The following IL1RAPL2 variants were observed in gnomAD, a reference collection of about 807,000 sequenced individuals.
IL1RAPL2 encodes X-linked interleukin-1 receptor accessory protein-like 2.
A neutral mutation model predicts 44.1 loss-of-function variants in IL1RAPL2; 3 were observed. The ratio of observed to expected loss-of-function variants is 0.07; its 90% CI spans 0.03 to 0.18. The LOEUF (loss-of-function observed/expected upper bound fraction) is 0.18, where lower values mean the gene tolerates loss of function less well. Among genes scored for constraint, IL1RAPL2 ranks in the 10% least tolerant of loss-of-function variants. The pLI, the probability that IL1RAPL2 is intolerant of heterozygous loss-of-function variation, is 1.00. For synonymous variants in IL1RAPL2, 181 were observed against 178.8 expected, an observed-to-expected ratio of 1.01 and a Z score of -0.10; for missense variants, 391 against 496.4, an observed-to-expected ratio of 0.79 and a Z score of 2.02.
intron 10 of IL1RAPL2, among the ~76,000 whole-genome samples, chrX:105,766,373 C>T (rs1315573472): frequency 7.2e-5 from 8 of 111,306 alleles, no homozygotes; most frequent in Admixed American, 2.9e-4. Context: ...CAGAAATAAT[C>T]GGAGAAACAA....
intron 1 of IL1RAPL2, among the ~76,000 whole-genome samples, chrX:104,620,639 C>CAAA (rs771769782): frequency 0.13 from 1,825 of 14,555 alleles, 559 homozygotes; most frequent in East Asian, 0.16. Flanking sequence ...GAGTCTGTCT[C>CAAA]AAAAAAAAAA....
chrX:105,686,160 A>C (rs886892889), intron 6 of IL1RAPL2, among the ~76,000 whole-genome samples: 7 of 110,451 alleles, frequency 6.3e-5, no homozygotes, highest in Non-Finnish European at 1.3e-4. Flanking sequence ...GGGCAAAATA[A>C]CCAGCAAACA....
At chrX:105,305,818 C>T (rs2034732408) in intron 5 of IL1RAPL2, among the ~76,000 whole-genome samples, 1 of 111,521 alleles carries the variant, frequency 9.0e-6, no homozygotes, top group Non-Finnish European at 1.9e-5. Flanking sequence ...AATGGTGGAC[C>T]TGTAAGGGAC....
At chrX:104,712,414 C>A (rs368933736) in intron 2 of IL1RAPL2, among the ~76,000 whole-genome samples, 4 of 110,622 alleles carry the variant, frequency 3.6e-5, no homozygotes, top group African/African-American at 1.3e-4. Flanking sequence ...TAAACGACAG[C>A]TTGTGGTCCT....
chrX:105,183,230 G>A lies in IL1RAPL2; in HGVS notation c.83-12245G>A, dbSNP rs185211743. ...CAGTGGTTCTGTTGCTGTAGGATGG[G>A]CGGTGGGGAGTAGGCGGGGGGGCAA... On this transcript the variant is annotated intron_variant, in intron 2 of 10. Transcript: ENST00000372582. Among the ~76,000 whole-genome samples the A allele has an allele frequency of 3.7e-3, 413 of 111,456 alleles. 4 individuals are homozygous for A. The highest frequency in any genetic ancestry group is 0.013 in the African/African-American group (386 of 30,633).
At chrX:105,720,288 T>G (rs2038292095) in intron 7 of IL1RAPL2, among the ~76,000 whole-genome samples, 1 of 7,425 alleles carries the variant, frequency 1.3e-4, no homozygotes. Context: ...TGTGTACACC[T>G]GTGAAACCAT....
chrX:105,127,416 G>T (rs1458673377), intron 2 of IL1RAPL2, among the ~76,000 whole-genome samples: 1 of 111,490 alleles, frequency 9.0e-6, no homozygotes, highest in African/African-American at 3.2e-5. Flanking sequence ...TCCTGAATAA[G>T]TCATGTGACT....
Position 105,034,674 on chromosome X carries a change from G to T in IL1RAPL2, c.83-160801G>T, listed in dbSNP as rs768543678. 1.5e-4 allele frequency among the ~76,000 whole-genome samples: 17 copies of T among 112,359 alleles called. No homozygotes were observed. The South Asian group carries it at 6.3e-3, about 42-fold the overall frequency. ...CTACTGGGGGGTGCCTCCCAGTTAG[G>T]CTACTCTGGGGTCAGGGACCCACTT... On this transcript the variant is annotated intron_variant, in intron 2 of 10. Coordinates refer to ENST00000372582, the MANE Select transcript of IL1RAPL2 (RefSeq NM_017416.2).
chrX:105,310,441 T>A (rs889517610), intron 5 of IL1RAPL2, among the ~76,000 whole-genome samples: 1 of 111,611 alleles, frequency 9.0e-6, no homozygotes, highest in Non-Finnish European at 1.9e-5. Context: ...TTTCCTAGTG[T>A]TTGCCTACCT....
chrX:105,179,539 AT>A (rs1556129322), intron 2 of IL1RAPL2, among the ~76,000 whole-genome samples: 1 of 111,929 alleles, frequency 8.9e-6, no homozygotes. Context: ...TGATGTCAGT[AT>A]TTTGATAAGG....
At chrX:105,224,275 G>C (rs1452141502) in intron 3 of IL1RAPL2, among the ~76,000 whole-genome samples, 17 of 111,539 alleles carry the variant, frequency 1.5e-4, no homozygotes, top group African/African-American at 3.3e-5. Context: ...TAAAAAGAGT[G>C]TTATTAGTTT....
chrX:104,734,277 A>G (rs1166927596), intron 2 of IL1RAPL2, among the ~76,000 whole-genome samples: 2 of 112,391 alleles, frequency 1.8e-5, no homozygotes, highest in Non-Finnish European at 3.8e-5. Flanking sequence ...CTTCCGTACA[A>G]CTGAGCAATT....
intron 2 of IL1RAPL2, among the ~76,000 whole-genome samples, chrX:105,100,953 A>G (rs1243258158): frequency 8.9e-6 from 1 of 112,656 alleles, no homozygotes; most frequent in Non-Finnish European, 1.9e-5. Flanking sequence ...TGTGCATTGA[A>G]ATAGTACTTG....
rs773880600 is a variant in IL1RAPL2, at chrX:104,887,842, C to T, written c.82+228847C>T. Among the ~76,000 whole-genome samples, 48 of 111,867 alleles carry T rather than the reference C, an allele frequency of 4.3e-4. 1 individual carries two copies. Among genetic ancestry groups the T allele is most frequent in the Middle Eastern group, 4.7e-3 (1 of 215 alleles). On this transcript the variant is annotated intron_variant, in intron 2 of 10. Coordinates refer to ENST00000372582, the MANE Select transcript of IL1RAPL2 (RefSeq NM_017416.2). ...AATGGGATATTAAGGGCAGGTTATGCCATAGTTAGTGATGTAACCATACTT... is the reference window on the plus strand; with the variant it reads ...AATGGGATATTAAGGGCAGGTTATGTCATAGTTAGTGATGTAACCATACTT...
At chrX:104,762,424 G>T (rs747025006) in intron 2 of IL1RAPL2, among the ~76,000 whole-genome samples, 6 of 112,178 alleles carry the variant, frequency 5.3e-5, no homozygotes, top group Non-Finnish European at 7.5e-5. Context: ...GCAGGGTACA[G>T]CCCCTCTCCT....
intron 3 of IL1RAPL2, among the ~76,000 whole-genome samples, chrX:105,200,008 A>G (rs782485275): frequency 1.2e-4 from 13 of 111,657 alleles, no homozygotes; most frequent in South Asian, 7.5e-4. Flanking sequence ...GACTTCTACT[A>G]TGTGCCAAGT....
At chrX:105,471,868 A>G (rs941315628) in intron 5 of IL1RAPL2, among the ~76,000 whole-genome samples, 15 of 111,841 alleles carry the variant, frequency 1.3e-4, no homozygotes, top group African/African-American at 4.9e-4. Context: ...CTCACAAATG[A>G]CCTGACCACT....
At chrX:105,084,157 C>T (rs1317763541) in intron 2 of IL1RAPL2, among the ~76,000 whole-genome samples, 2 of 112,579 alleles carry the variant, frequency 1.8e-5, no homozygotes, top group African/African-American at 6.5e-5. Context: ...TCTGCTAAGG[C>T]AGTGTGGAAG....
chrX:105,726,690 C>A (rs1357564495), intron 7 of IL1RAPL2, among the ~76,000 whole-genome samples: 1 of 110,804 alleles, frequency 9.0e-6, no homozygotes, highest in Non-Finnish European at 1.9e-5. Context: ...CCAGGGATAC[C>A]CAACTGCTAA....
Sources: gnomAD v4.1 joint callset for allele counts (sites outside exome capture counted in the v4.1 genomes callset) on GRCh38, gnomAD v4.1.1 for gene constraint, MANE v1.5 for transcripts, NCBI Gene and HGNC (gene_info 2026-07-23, HGNC 2026-07-21) for gene names.